COLEC11: variants seen among roughly 807,000 people sequenced by gnomAD.
The protein encoded by COLEC11 is collectin-11.
Under a neutral mutation model 27.3 loss-of-function variants are expected in COLEC11, and 20 were observed. That is an observed-to-expected ratio of 0.73 (90% confidence interval 0.51 to 1.06). COLEC11 has a LOEUF of 1.06. Among genes scored for constraint, COLEC11 ranks in the 50% least tolerant of loss-of-function variants. The probability of loss-of-function intolerance (pLI) is 0.00; values close to 1 mark genes in which losing one functional copy is unlikely to be tolerated. For synonymous variants in COLEC11, 163 were observed against 154.7 expected (o/e 1.05, Z -0.40); for missense variants, 310 against 383.0 (o/e 0.81, Z 1.59).
intron 3 of COLEC11, chr2:3,626,115 C>G: frequency 6.3e-7 from 1 of 1,590,970 alleles, no homozygotes. Context: ...GAAATCCCAC[C>G]TTCACACTTA....
At chr2:3,608,895 A>G (rs924848382) in intron 2 of COLEC11, among the ~76,000 whole-genome samples, 2 of 152,214 alleles carry the variant, frequency 1.3e-5, no homozygotes, top group South Asian at 2.1e-4. Flanking sequence ...TCTCGTGACA[A>G]CCAGCACGGT....
At chr2:3,616,159 C>A (rs369358699) in intron 3 of COLEC11, among the ~76,000 whole-genome samples, 1 of 144,136 alleles carries the variant, frequency 6.9e-6, no homozygotes, top group African/African-American at 2.7e-5. Context: ...ACATCCCAGA[C>A]AGGGCGGCGG....
intron 3 of COLEC11, 45 bp from the exon 4 acceptor site, chr2:3,637,488 T>G (rs773526677): frequency 4.6e-5 from 69 of 1,501,704 alleles, no homozygotes; most frequent in Non-Finnish European, 5.9e-5. Context: ...GAGGCCACGG[T>G]GTCACCTGTG....
chr2:3,623,626 C>T (rs1426323160), intron 3 of COLEC11, among the ~76,000 whole-genome samples: 1 of 151,708 alleles, frequency 6.6e-6, no homozygotes, highest in African/African-American at 2.4e-5. Flanking sequence ...TTCTGTTCTT[C>T]AGCTTTAGAG....
chr2:3,617,285 T>A (rs1165217871), intron 3 of COLEC11, among the ~76,000 whole-genome samples: 3 of 152,204 alleles, frequency 2.0e-5, no homozygotes, highest in Non-Finnish European at 4.4e-5. Flanking sequence ...CAGCTTGGTT[T>A]TATTCTAGAT....
At chr2:3,612,235 C>T (rs1043897986) in intron 2 of COLEC11, among the ~76,000 whole-genome samples, 11 of 145,442 alleles carry the variant, frequency 7.6e-5, no homozygotes, top group Non-Finnish European at 1.3e-4. Context: ...CACACATGCA[C>T]CCACGCACCC....
chr2:3,603,827 G>C, intron 1 of COLEC11: 1 of 656,342 alleles, frequency 1.5e-6, no homozygotes. Context: ...TGCCACCTAA[G>C]GAGATGTGGG....
chr2:3,639,385 T>A (rs1665681380), intron 4 of COLEC11, among the ~76,000 whole-genome samples: 1 of 152,218 alleles, frequency 6.6e-6, no homozygotes, highest in African/African-American at 2.4e-5. Context: ...TTATTTGATT[T>A]GCTTCGTGTC....
At chr2:3,626,133 C>A in intron 3 of COLEC11, 1 of 1,517,776 alleles carries the variant, frequency 6.6e-7, no homozygotes, top group Non-Finnish European at 9.2e-7. Flanking sequence ...TTAAGTTGGA[C>A]CCTGAGATGC....
At chr2:3,637,166 G>A (rs184247640) in intron 3 of COLEC11, among the ~76,000 whole-genome samples, 1 of 152,342 alleles carries the variant, frequency 6.6e-6, no homozygotes, top group East Asian at 1.9e-4. Context: ...GGGTGCAGGA[G>A]TAGGAGCTGG....
chr2:3,640,127 T>C, intron 4 of COLEC11, 151 bp from the exon 5 acceptor site: 1 of 692,640 alleles, frequency 1.4e-6, no homozygotes, highest in Admixed American at 2.1e-5. Flanking sequence ...GAAGCAGGAA[T>C]TACCTGCAGA....
intron 3 of COLEC11, among the ~76,000 whole-genome samples, chr2:3,616,325 G>T (rs1663727439): frequency 6.6e-6 from 1 of 151,160 alleles, no homozygotes; most frequent in South Asian, 2.1e-4. Flanking sequence ...TGGGCGGCCA[G>T]GCAGAGACAC....
chr2:3,607,449 CTTT>C (rs377560723), intron 2 of COLEC11, among the ~76,000 whole-genome samples: 1 of 109,172 alleles, frequency 9.2e-6, no homozygotes, highest in Non-Finnish European at 1.8e-5. Context: ...TTTTTTTTTG[CTTT>C]TTTTTTTTTT....
In COLEC11 at chr2:3,602,822, T is replaced by G. The variant is rs1019352447; in HGVS notation, c.-26-1493T>G. On this transcript the variant is annotated intron_variant, in intron 1 of 6. Transcript: ENST00000349077. This position sits in a 1 kb window ranked among gnomAD's most constrained non-coding sequence, Gnocchi z 6.2. The stretch of plus-strand genomic sequence containing the variant: ...TCTCTGAGCCGCCCTCACCCACCTG[T>G]CAGCGAGGCTTCCCTGGCAACCATC... Among the ~76,000 whole-genome samples the G allele has an allele frequency of 6.6e-6, 1 of 152,202 alleles. No individual in the cohort carries two copies. Among genetic ancestry groups the G allele is most frequent in the Non-Finnish European group, 1.5e-5 (1 of 68,038 alleles).
chr2:3,638,003 G>A (rs1403581142), intron 4 of COLEC11, among the ~76,000 whole-genome samples: 2 of 152,212 alleles, frequency 1.3e-5, no homozygotes, highest in Non-Finnish European at 2.9e-5. Flanking sequence ...CAGGTCTCAG[G>A]TATTTCGAGG....
At chr2:3,606,372 C>G (rs555863797) in intron 2 of COLEC11, 2 of 775,894 alleles carry the variant, frequency 2.6e-6, no homozygotes, top group Non-Finnish European at 4.2e-6. Context: ...GATGTGCTGT[C>G]ATTTCCCACA....
At position 3,602,366 on chromosome 2, in the gene COLEC11, C is replaced by T. The variant is rs960729834; in HGVS notation, c.-26-1949C>T. Among the ~76,000 whole-genome samples, 1 of 152,130 alleles carries T rather than the reference C, an allele frequency of 6.6e-6. No homozygotes were observed. The highest frequency in any genetic ancestry group is 1.5e-5 in the Non-Finnish European group (1 of 68,038). ...ACCCGAGCCCCTGACTTCACTTCAC[C>T]TCCTCAGTTCTGTTTCTCAGCAGCT... On this transcript the variant is annotated intron_variant, in intron 1 of 6. Coordinates refer to ENST00000349077, the MANE Select transcript of COLEC11 (RefSeq NM_024027.5). This position sits in a 1 kb window ranked among gnomAD's most constrained non-coding sequence, Gnocchi z 6.2.
chr2:3,613,376 GA>G lies in COLEC11; in HGVS notation c.201del (p.Gly68GlufsTer33). On this transcript the variant is annotated frameshift_variant, in exon 3 of 7. Coordinates refer to ENST00000349077, the MANE Select transcript of COLEC11 (RefSeq NM_024027.5). LOFTEE classifies it high-confidence loss of function. The stretch of plus-strand genomic sequence containing the variant: ...GCCTGGAAGAGTCGGCCCCACGGGA[GA>G]AAAAGGTACCTGCAGCCCTGGGCCG... Reference protein sequence around the residue: ...GRPGRVGPTGEKGDMGDKGQK... With the variant: ...GRPGRVGPTGXKGDMGDKGQK... 7 of 1,598,778 alleles carry G rather than the reference GA, an allele frequency of 4.4e-6. No homozygotes were observed. Among genetic ancestry groups the G allele is most frequent in the Non-Finnish European group, 6.0e-6 (7 of 1,172,662 alleles).
At chr2:3,614,603 G>A (rs994698016) in intron 3 of COLEC11, among the ~76,000 whole-genome samples, 2 of 151,740 alleles carry the variant, frequency 1.3e-5, no homozygotes, top group African/African-American at 2.4e-5. Context: ...TCTAAGTAAA[G>A]CTTTAAAAAA....
Sources: allele counts gnomAD v4.1 joint callset (sites outside exome capture counted in the v4.1 genomes callset), GRCh38; gene constraint gnomAD v4.1.1; non-coding constraint Gnocchi (gnomAD v3.1); transcripts MANE v1.5; gene names NCBI Gene and HGNC (gene_info 2026-07-23, HGNC 2026-07-21).